Variants in SBK1 observed in about 807,000 individuals in gnomAD.
SBK1 encodes SH3 domain binding kinase 1.
In SBK1, 11 loss-of-function variants were observed where a neutral mutation model predicts 24.4. That is an observed-to-expected ratio of 0.45 (90% CI 0.28 to 0.75). SBK1 has a LOEUF of 0.75. Among genes scored for constraint, SBK1 ranks in the 30% least tolerant of loss-of-function variants. The probability of loss-of-function intolerance (pLI) is 0.12; values close to 1 mark genes in which losing one functional copy is unlikely to be tolerated. For synonymous variants in SBK1, 308 were observed against 284.4 expected, an observed-to-expected ratio of 1.08 and a Z score of -0.83; for missense variants, 467 against 620.5, an observed-to-expected ratio of 0.75 and a Z score of 2.63.
chr16:28,274,454 A>G (rs11074902), intron 1 of SBK1, among the ~76,000 whole-genome samples: 52,961 of 152,078 alleles, frequency 0.35, 10,703 homozygotes, highest in Admixed American at 0.45. Context: ...GTCCAAGACC[A>G]GCCTGGCCAA....
chr16:28,271,956 T>C (rs557929299), intron 1 of SBK1, among the ~76,000 whole-genome samples: 1 of 152,326 alleles, frequency 6.6e-6, no homozygotes, highest in South Asian at 2.1e-4. Context: ...CCAAATAAGT[T>C]GAAAATTTAT....
chr16:28,278,897 T>C (rs2044511461), intron 1 of SBK1, among the ~76,000 whole-genome samples: 1 of 152,182 alleles, frequency 6.6e-6, no homozygotes, highest in African/African-American at 2.4e-5. Flanking sequence ...ACTTGCCCCA[T>C]CAACCTCCCT....
chr16:28,294,564 C>G (rs1197458745), intron 1 of SBK1, among the ~76,000 whole-genome samples: 1 of 152,248 alleles, frequency 6.6e-6, no homozygotes, highest in African/African-American at 2.4e-5. Context: ...TCCTGATCAT[C>G]AGACCCCTGG....
intron 1 of SBK1, among the ~76,000 whole-genome samples, chr16:28,266,438 T>C (rs904286634): frequency 6.6e-6 from 1 of 152,148 alleles, no homozygotes; most frequent in African/African-American, 2.4e-5. Flanking sequence ...ATCAGTGTTT[T>C]ATTGCTTCCA....
At chr16:28,305,340 G>C (rs965354773) in intron 1 of SBK1, among the ~76,000 whole-genome samples, 3 of 152,004 alleles carry the variant, frequency 2.0e-5, no homozygotes, top group African/African-American at 7.3e-5. Flanking sequence ...AGCTTCCCAA[G>C]TAGCTGGGAT....
intron 1 of SBK1, among the ~76,000 whole-genome samples, chr16:28,265,379 G>A (rs112349589): frequency 0.016 from 2,368 of 152,046 alleles, 62 homozygotes; most frequent in African/African-American, 0.054. Context: ...TGATGGCGCC[G>A]CTATAGTCCA....
In SBK1 at chr16:28,322,194, GC is replaced by G. The variant is rs916722345; in HGVS notation, c.*1280del. On this transcript the variant is annotated 3_prime_UTR_variant, in exon 4 of 4. Coordinates refer to ENST00000341901, the MANE Select transcript of SBK1 (RefSeq NM_001024401.3). Reference sequence around the variant, plus strand: ...TGTGCGTCCAGACCCCTCACCAGCGGCCCCCCCACCACACCCTGGTCCTCCC... The same window carrying G: ...TGTGCGTCCAGACCCCTCACCAGCGGCCCCCCACCACACCCTGGTCCTCCC... 2.0e-5 allele frequency: 3 copies of G among 152,892 alleles called. No individual in the cohort carries two copies. Among genetic ancestry groups the G allele is most frequent in the Non-Finnish European group, 2.9e-5 (2 of 68,570 alleles). The allele number at this position is 152,892 out of a possible 1,614,324, so 9.5% of individuals were successfully genotyped here.
intron 1 of SBK1, among the ~76,000 whole-genome samples, chr16:28,260,597 T>A (rs953076713): frequency 1.3e-5 from 2 of 152,204 alleles, no homozygotes; most frequent in African/African-American, 4.8e-5. Flanking sequence ...TGTTGGACTC[T>A]GGGTGCACAG....
chr16:28,265,122 G>GA (rs1032162490), intron 1 of SBK1, among the ~76,000 whole-genome samples: 13 of 148,102 alleles, frequency 8.8e-5, no homozygotes, highest in South Asian at 4.3e-4. Context: ...AAGTGAGAGA[G>GA]AAAAAAAAAA....
intron 1 of SBK1, among the ~76,000 whole-genome samples, chr16:28,277,024 G>A (rs1400461045): frequency 6.6e-6 from 1 of 152,098 alleles, no homozygotes; most frequent in East Asian, 1.9e-4. Flanking sequence ...TAGAAGGGCA[G>A]AGCAGAGGGG....
chr16:28,280,145 A>ATGTG lies in SBK1; in HGVS notation c.257+20644_257+20645insGTGT, dbSNP rs1292773760. 3.0e-3 allele frequency among the ~76,000 whole-genome samples: 165 copies of ATGTG among 55,270 alleles called. 2 individuals carry two copies. The highest frequency in any genetic ancestry group is 8.0e-3 in the African/African-American group (155 of 19,334). The allele number at this position is 55,270 out of a possible 152,430, so 36.3% of individuals were successfully genotyped here. On this transcript the variant is annotated intron_variant, in intron 1 of 3. Transcript: ENST00000671413. ...TATATATATATATATATATATATAT[A>ATGTG]TATATGTGTGTGTGTGTGTGTGTGT...
At chr16:28,287,448 CAA>C (rs751846795) in intron 1 of SBK1, among the ~76,000 whole-genome samples, 30 of 80,108 alleles carry the variant, frequency 3.7e-4, no homozygotes, top group Non-Finnish European at 3.9e-4. Flanking sequence ...GACTCCATCT[CAA>C]AAAAAAAAAA....
intron 1 of SBK1, among the ~76,000 whole-genome samples, chr16:28,277,942 G>A (rs540105614): frequency 2.4e-4 from 36 of 152,376 alleles, no homozygotes; most frequent in African/African-American, 8.4e-4. Context: ...CTCTTGTTTA[G>A]CCACAGAACC....
At chr16:28,271,030 A>AT (rs1031589205) in intron 1 of SBK1, among the ~76,000 whole-genome samples, 26 of 151,606 alleles carry the variant, frequency 1.7e-4, no homozygotes, top group African/African-American at 6.3e-4. Context: ...CGCCTGGCTA[A>AT]TTTTTTGTAC....
At chr16:28,279,550 G>A (rs190204442) in intron 1 of SBK1, among the ~76,000 whole-genome samples, 6 of 152,112 alleles carry the variant, frequency 3.9e-5, no homozygotes, top group Non-Finnish European at 7.4e-5. Context: ...ATTCTGTCAC[G>A]GGCACAGGTT....
chr16:28,313,054 C>G (rs559569708), intron 1 of SBK1, among the ~76,000 whole-genome samples: 3 of 152,312 alleles, frequency 2.0e-5, no homozygotes, highest in Admixed American at 2.0e-4. Context: ...CGCTTGAACC[C>G]AGAAGGCAGA....
chr16:28,276,668 T>G (rs985950363), intron 1 of SBK1, among the ~76,000 whole-genome samples: 2 of 151,514 alleles, frequency 1.3e-5, no homozygotes, highest in Admixed American at 6.6e-5. Context: ...ATTTATGTAT[T>G]TATTTATTTA....
chr16:28,305,236 G>A (rs2044707707), intron 1 of SBK1, among the ~76,000 whole-genome samples: 2 of 151,882 alleles, frequency 1.3e-5, no homozygotes, highest in South Asian at 4.2e-4. Context: ...TTTTAGAGAT[G>A]GAGTTTTGCT....
intron 1 of SBK1, among the ~76,000 whole-genome samples, chr16:28,269,136 C>T (rs151197480): frequency 0.014 from 2,135 of 149,762 alleles, 57 homozygotes; most frequent in African/African-American, 0.05. Context: ...TGGGTTCAAG[C>T]GATTCTCCTG....
Sources: allele counts gnomAD v4.1 joint callset (sites outside exome capture counted in the v4.1 genomes callset), GRCh38; gene constraint gnomAD v4.1.1; transcripts MANE v1.5; gene names NCBI Gene and HGNC (gene_info 2026-07-23, HGNC 2026-07-21).